The following PLEKHA5 variants were observed in gnomAD, a reference collection of about 807,000 sequenced individuals.
PLEKHA5 encodes pleckstrin homology domain-containing family A member 5.
PLEKHA5 carries 55 observed loss-of-function variants against 181.9 expected under a neutral mutation model. That is an observed-to-expected ratio of 0.30 (90% CI 0.24 to 0.38). The LOEUF (loss-of-function observed/expected upper bound fraction) is 0.38, where lower values mean the gene tolerates loss of function less well. Among genes scored for constraint, PLEKHA5 ranks in the 10% least tolerant of loss-of-function variants. PLEKHA5 has a pLI of 1.00. For missense variants in PLEKHA5, 1,432 were observed against 1,549.5 expected, an observed-to-expected ratio of 0.92 and a Z score of 1.27; for synonymous variants, 535 against 529.4, an observed-to-expected ratio of 1.01 and a Z score of -0.15.
Position 19,368,356 on chromosome 12 carries a change from G to A in PLEKHA5, c.3755-1337G>A, listed in dbSNP as rs141618140. Among the ~76,000 whole-genome samples the A allele has an allele frequency of 6.7e-3, 1,020 of 152,140 alleles. 10 individuals are homozygous for A. The highest frequency in any genetic ancestry group is 0.023 in the African/African-American group (961 of 41,516). ...AAATAATGCTTTTAAAAAATTAGCC[G>A]GATGGGATGGCACTATAGACCCAGC... On this transcript the variant is annotated intron_variant, in intron 30 of 31. Transcript: ENST00000429027.
intron 3 of PLEKHA5, among the ~76,000 whole-genome samples, chr12:19,237,725 T>C (rs2061631764): frequency 6.6e-6 from 1 of 151,982 alleles, no homozygotes; most frequent in Non-Finnish European, 1.5e-5. Flanking sequence ...TTTAAAGAAA[T>C]TAAGAGTTCT....
chr12:19,256,742 G>C (rs1038543555), intron 5 of PLEKHA5, among the ~76,000 whole-genome samples: 2 of 152,124 alleles, frequency 1.3e-5, no homozygotes, highest in African/African-American at 4.8e-5. Flanking sequence ...TTACTTTATA[G>C]CTTCATTGTT....
At chr12:19,353,516 A>G (rs2094727090) in intron 25 of PLEKHA5, among the ~76,000 whole-genome samples, 1 of 150,138 alleles carries the variant, frequency 6.7e-6, no homozygotes, top group African/African-American at 2.5e-5. Context: ...CGCTGGTGCA[A>G]TGGTGCGATC....
intron 3 of PLEKHA5, among the ~76,000 whole-genome samples, chr12:19,172,290 C>T (rs553022747): frequency 5.9e-5 from 9 of 152,156 alleles, no homozygotes; most frequent in African/African-American, 9.6e-5. Flanking sequence ...GGAATTTGTC[C>T]GCCCCATTAT....
chr12:19,359,718 C>A (rs1197582344), intron 28 of PLEKHA5, among the ~76,000 whole-genome samples, 172 bp downstream of exon 28: 2 of 152,002 alleles, frequency 1.3e-5, no homozygotes, highest in African/African-American at 4.8e-5. Context: ...AATCCCAGCA[C>A]TTTGGGAGGC....
intron 26 of PLEKHA5, among the ~76,000 whole-genome samples, chr12:19,354,442 C>T (rs1173762676): frequency 1.4e-5 from 2 of 144,656 alleles, no homozygotes; most frequent in South Asian, 2.2e-4. Flanking sequence ...TGTGAGCCAC[C>T]GCCCCCCAGC....
intron 29 of PLEKHA5, among the ~76,000 whole-genome samples, chr12:19,364,644 A>G (rs985044582): frequency 3.3e-5 from 5 of 152,002 alleles, no homozygotes; most frequent in Admixed American, 6.6e-5. Flanking sequence ...GGTCAACCCA[A>G]TAACCCCTGA....
At chr12:19,191,149 C>T (rs1173988933) in intron 3 of PLEKHA5, among the ~76,000 whole-genome samples, 3 of 152,138 alleles carry the variant, frequency 2.0e-5, no homozygotes, top group Non-Finnish European at 4.4e-5. Context: ...ACCTTCTCTT[C>T]TGTTTTGTTA....
chr12:19,318,121 TTTTG>T (rs147402173), intron 16 of PLEKHA5, among the ~76,000 whole-genome samples: 7,889 of 151,922 alleles, frequency 0.052, 334 homozygotes, highest in East Asian at 0.2. Context: ...TGAAGGCGTT[TTTTG>T]TTTGTTTAAG....
At chr12:19,311,067 T>C (rs1465565344) in intron 15 of PLEKHA5, among the ~76,000 whole-genome samples, 1 of 152,078 alleles carries the variant, frequency 6.6e-6, no homozygotes, top group African/African-American at 2.4e-5. Flanking sequence ...TTGACTCTTC[T>C]TTTCACGAAA....
At chr12:19,286,747 C>T (rs1416172353) in intron 12 of PLEKHA5, among the ~76,000 whole-genome samples, 1 of 152,030 alleles carries the variant, frequency 6.6e-6, no homozygotes, top group Non-Finnish European at 1.5e-5. Context: ...AGGTGGATTG[C>T]TTGAGGCCAG....
chr12:19,136,257 G>A (rs1164247013), intron 3 of PLEKHA5, among the ~76,000 whole-genome samples: 3 of 152,072 alleles, frequency 2.0e-5, no homozygotes, highest in African/African-American at 7.2e-5. Context: ...AAGCTAGCCA[G>A]CCTCTTAATT....
In PLEKHA5 at chr12:19,322,403, T is replaced by C. The variant is rs906889976; in HGVS notation, c.2298+13T>C. ...CCACAAGGAGAAAGTAGGACAATTA[T>C]GTTTATTGTCTACAATTGATGTTAC... On this transcript the variant is annotated intron_variant, in intron 19 of 31. Coordinates refer to ENST00000429027, the MANE Select transcript of PLEKHA5 (RefSeq NM_001256470.2). 9 of 1,582,050 alleles carry C rather than the reference T, an allele frequency of 5.7e-6. No homozygotes were observed. The highest frequency in any genetic ancestry group is 1.7e-4 in the Middle Eastern group (1 of 5,990).
intron 3 of PLEKHA5, among the ~76,000 whole-genome samples, chr12:19,185,306 C>T (rs1329904579): frequency 1.3e-5 from 2 of 152,106 alleles, no homozygotes; most frequent in African/African-American, 4.8e-5. Flanking sequence ...TTCCATACCT[C>T]CTGATCCTGT....
At chr12:19,218,942 T>A (rs372259258) in intron 3 of PLEKHA5, among the ~76,000 whole-genome samples, 86 of 137,674 alleles carry the variant, frequency 6.2e-4, no homozygotes, top group South Asian at 1.6e-3. Context: ...TTTTTTTTTT[T>A]AATTTTTTTT....
chr12:19,153,754 T>A (rs2151349331), intron 3 of PLEKHA5: 1 of 152,290 alleles, frequency 6.6e-6, no homozygotes, highest in East Asian at 1.9e-4. Flanking sequence ...TACATTGTTC[T>A]GTTGGGTTTG....
intron 20 of PLEKHA5, among the ~76,000 whole-genome samples, chr12:19,330,240 G>A (rs977504858): frequency 6.6e-6 from 1 of 152,182 alleles, no homozygotes; most frequent in South Asian, 2.1e-4. Flanking sequence ...CATTAGAGAA[G>A]AAACTAAACA....
chr12:19,174,031 G>A (rs572341964), intron 3 of PLEKHA5, among the ~76,000 whole-genome samples: 8 of 152,256 alleles, frequency 5.3e-5, no homozygotes, highest in South Asian at 2.1e-4. Context: ...ATGAATAAGC[G>A]TAGGCATCAC....
At chr12:19,355,372 G>T (rs1267002780) in intron 26 of PLEKHA5, among the ~76,000 whole-genome samples, 1 of 137,166 alleles carries the variant, frequency 7.3e-6, no homozygotes, top group African/African-American at 2.7e-5. Flanking sequence ...TTTTTCAATG[G>T]ATAGGGTTTC....
Sources: gnomAD v4.1 joint callset for allele counts (sites outside exome capture counted in the v4.1 genomes callset) on GRCh38, gnomAD v4.1.1 for gene constraint, MANE v1.5 for transcripts, NCBI Gene and HGNC (gene_info 2026-07-23, HGNC 2026-07-21) for gene names.